ITGB5: variants seen among roughly 807,000 people sequenced by gnomAD.
ITGB5 encodes integrin subunit beta 5.
In ITGB5, 38 loss-of-function variants were observed where a neutral mutation model predicts 84.8. The observed-to-expected ratio is 0.45, with a 90% CI of 0.35 to 0.59. ITGB5 has a LOEUF of 0.59. Ranked by LOEUF, ITGB5 falls within the 20% of genes least tolerant of loss-of-function variation. The pLI, the probability that ITGB5 is intolerant of heterozygous loss-of-function variation, is 0.01. For missense variants in ITGB5, 905 were observed against 1,034.5 expected, an observed-to-expected ratio of 0.87 and a Z score of 1.72; for synonymous variants, 393 against 414.4, an observed-to-expected ratio of 0.95 and a Z score of 0.63.
chr3:124,770,325 C>T (rs1315981609), intron 11 of ITGB5: 1 of 152,382 alleles, frequency 6.6e-6, no homozygotes, highest in African/African-American at 2.4e-5. Context: ...ACTCAAGAGC[C>T]AGGTGTGCCA....
In ITGB5 at chr3:124,859,465, G is replaced by C; in HGVS notation, c.157-19C>G. On this transcript the variant is annotated intron_variant, in intron 2 of 14. Coordinates refer to ENST00000296181, the MANE Select transcript of ITGB5 (RefSeq NM_002213.5). The stretch of plus-strand genomic sequence containing the variant: ...CGAAGTCCTAGGCAGGGAAAAAGAG[G>C]AAGAGAGCAGGAGGTGGTCAGGGTG... 6.2e-7 allele frequency: 1 copy of C among 1,608,036 alleles called. No homozygotes were observed. The highest frequency in any genetic ancestry group is 1.1e-5 in the South Asian group (1 of 90,840).
chr3:124,781,070 C>G (rs1254773745), intron 10 of ITGB5: 1 of 152,396 alleles, frequency 6.6e-6, no homozygotes, highest in Non-Finnish European at 1.5e-5. Flanking sequence ...ACTGCCGAGC[C>G]AGGGCAGCCT....
chr3:124,848,430 G>C lies in ITGB5; in HGVS notation c.490C>G (p.Leu164Val). ...LDNIRSLGTKLAEEMRKLTSN... is the reference protein window; with the variant it reads ...LDNIRSLGTKVAEEMRKLTSN... ...GTGAGCTTCCTCATCTCCTCCGCGA[G>C]TTTGGTGCCCAGGCTCCGGATATTG... The change falls in exon 4 of 15, where the codon CTC becomes GTC. Residue 164 changes from leucine (L) to valine (V), a missense_variant. Transcript: ENST00000296181. 1 of 1,614,184 alleles carries C rather than the reference G, an allele frequency of 6.2e-7. No individual in the cohort carries two copies. Among genetic ancestry groups the C allele is most frequent in the Non-Finnish European group, 8.5e-7 (1 of 1,180,044 alleles).
chr3:124,812,414 T>TTG (rs1246010439), intron 8 of ITGB5, among the ~76,000 whole-genome samples: 41 of 152,182 alleles, frequency 2.7e-4, no homozygotes, highest in African/African-American at 9.4e-4. Flanking sequence ...GGGAGCAGAC[T>TTG]TTATGGCAAC....
At chr3:124,812,082 G>A (rs2064513036) in intron 8 of ITGB5, among the ~76,000 whole-genome samples, 1 of 152,244 alleles carries the variant, frequency 6.6e-6, no homozygotes, top group Non-Finnish European at 1.5e-5. Flanking sequence ...TATGAGTGCT[G>A]GAGGGCAGGA....
At chr3:124,836,062 C>T (rs1391625086) in intron 5 of ITGB5, among the ~76,000 whole-genome samples, 1 of 152,148 alleles carries the variant, frequency 6.6e-6, no homozygotes. Context: ...CCCTCCAGTC[C>T]CATGCCTCCC....
At chr3:124,792,063 C>T (rs550077980) in intron 10 of ITGB5, 1 of 152,300 alleles carries the variant, frequency 6.6e-6, no homozygotes, top group South Asian at 2.1e-4. Context: ...TGATCTCACT[C>T]CAGAAACTAT....
intron 4 of ITGB5, among the ~76,000 whole-genome samples, chr3:124,843,761 A>G (rs2065040962): frequency 6.6e-6 from 1 of 152,202 alleles, no homozygotes; most frequent in Non-Finnish European, 1.5e-5. Context: ...GGGTCATGCC[A>G]GGAGACTATC....
intron 1 of ITGB5, among the ~76,000 whole-genome samples, chr3:124,897,555 C>CATG (rs1559992951): frequency 4.6e-5 from 7 of 152,226 alleles, no homozygotes; most frequent in Non-Finnish European, 7.3e-5. Context: ...GGCGTAGTGG[C>CATG]TCATGCCTGT....
intron 4 of ITGB5, among the ~76,000 whole-genome samples, chr3:124,846,783 A>C (rs1339010978): frequency 6.6e-6 from 1 of 152,086 alleles, no homozygotes; most frequent in Non-Finnish European, 1.5e-5. Flanking sequence ...AAAATACAAA[A>C]ATCAGCCAGG....
chr3:124,878,535 C>A (rs1934428144), intron 1 of ITGB5: 1 of 151,196 alleles, frequency 6.6e-6, no homozygotes, highest in Non-Finnish European at 1.5e-5. Context: ...AAACTCTGCA[C>A]TTAACACACC....
At position 124,841,524 on chromosome 3, in the gene ITGB5, G is replaced by A. The variant is rs1168694440; in HGVS notation, c.639C>T (p.Pro213=). ...IGYKLFPNCV[P]SFGFRHLLPL... is the part of the protein sequence containing the mutation. Reference sequence around the variant, plus strand: ...GCAGCAGATGGCGGAACCCAAAGGAGGGGACGCAATTTGGAAACAACTTGT... The same window carrying A: ...GCAGCAGATGGCGGAACCCAAAGGAAGGGACGCAATTTGGAAACAACTTGT... The change falls in exon 5 of 15, where the codon CCC becomes CCT. Residue 213 remains proline (P), a synonymous_variant. Coordinates refer to ENST00000296181, the MANE Select transcript of ITGB5 (RefSeq NM_002213.5). 2.5e-6 allele frequency: 4 copies of A among 1,613,704 alleles called. No homozygotes were observed. Among genetic ancestry groups the A allele is most frequent in the Non-Finnish European group, 3.4e-6 (4 of 1,179,932 alleles).
intron 1 of ITGB5, among the ~76,000 whole-genome samples, chr3:124,881,792 A>C (rs2107650809): frequency 6.6e-6 from 1 of 150,746 alleles, no homozygotes; most frequent in South Asian, 2.1e-4. Flanking sequence ...ACATGGTGAA[A>C]CCCCATCTCT....
chr3:124,836,427 T>C (rs547237961), intron 5 of ITGB5, among the ~76,000 whole-genome samples: 27 of 150,960 alleles, frequency 1.8e-4, no homozygotes, highest in East Asian at 5.8e-4. Context: ...GCCTGGGCGA[T>C]AGAATGAGAT....
chr3:124,819,226 G>T (rs1473700744), intron 7 of ITGB5, among the ~76,000 whole-genome samples: 1 of 152,168 alleles, frequency 6.6e-6, no homozygotes, highest in African/African-American at 2.4e-5. Context: ...GGTGACCCAG[G>T]AACAGTTTCT....
upstream of ITGB5, chr3:124,887,766 C>T (rs1000313796): frequency 2.3e-6 from 1 of 429,774 alleles, no homozygotes; most frequent in Non-Finnish European, 4.7e-6. Flanking sequence ...GGGGTCGTGC[C>T]GGTACCGCCT....
At chr3:124,872,268 G>A (rs374336480) in intron 2 of ITGB5, among the ~76,000 whole-genome samples, 2 of 152,220 alleles carry the variant, frequency 1.3e-5, no homozygotes, top group Non-Finnish European at 2.9e-5. Context: ...GAAAAGCTTG[G>A]GCTCAGAGGT....
At chr3:124,785,263 G>A (rs1200375789) in intron 10 of ITGB5, among the ~76,000 whole-genome samples, 5 of 152,162 alleles carry the variant, frequency 3.3e-5, no homozygotes, top group Admixed American at 6.5e-5. Flanking sequence ...CGTCAAGGGC[G>A]TTTTATAAAT....
At chr3:124,801,280 T>C (rs1671290873) in intron 9 of ITGB5, among the ~76,000 whole-genome samples, 1 of 152,176 alleles carries the variant, frequency 6.6e-6, no homozygotes, top group African/African-American at 2.4e-5. Context: ...TCCCGATGGT[T>C]GGTGTAGGAT....
Sources: gnomAD v4.1 joint callset for allele counts (sites outside exome capture counted in the v4.1 genomes callset) on GRCh38, gnomAD v4.1.1 for gene constraint, MANE v1.5 for transcripts, NCBI Gene and HGNC (gene_info 2026-07-23, HGNC 2026-07-21) for gene names.